Variants in NBAS observed in about 807,000 individuals in gnomAD.
NBAS encodes NAG/BC035112 fusion.
NBAS carries 219 observed loss-of-function variants against 302.5 expected under a neutral mutation model. That is an observed-to-expected ratio of 0.72 (90% CI 0.65 to 0.81). The LOEUF (loss-of-function observed/expected upper bound fraction) is 0.81. NBAS is among the 30% of genes least tolerant of loss of function. The pLI, the probability that NBAS is intolerant of heterozygous loss-of-function variation, is 0.00. For synonymous variants in NBAS, 1,118 were observed against 1,021.6 expected (o/e 1.09, Z -1.80); for missense variants, 2,932 against 2,841.6 (o/e 1.03, Z -0.72).
At chr2:15,024,461 A>T in the NBAS span, among the ~76,000 whole-genome samples, 1 of 152,104 alleles carries the variant, frequency 6.6e-6, no homozygotes, top group Admixed American at 6.6e-5. Context: ...AGAATAATTT[A>T]TATTCCTTTG....
At chr2:15,315,849 G>C (rs2148183563) in intron 38 of NBAS, among the ~76,000 whole-genome samples, 1 of 152,260 alleles carries the variant, frequency 6.6e-6, no homozygotes, top group Non-Finnish European at 1.5e-5. Flanking sequence ...GATGGGAACA[G>C]TGGAGAACAT....
At chr2:14,869,757 C>T in the NBAS span, among the ~76,000 whole-genome samples, 2 of 152,110 alleles carry the variant, frequency 1.3e-5, no homozygotes, top group Admixed American at 6.5e-5. Flanking sequence ...ATCCATTTAC[C>T]ACCAAAACTA....
chr2:15,544,799 CAGG>C (rs1423640682), intron 6 of NBAS, among the ~76,000 whole-genome samples: 1 of 152,158 alleles, frequency 6.6e-6, no homozygotes, highest in Non-Finnish European at 1.5e-5. Flanking sequence ...ATAACGAGGT[CAGG>C]AGTTCGAGAC....
At chr2:15,364,512 C>T (rs767158435) in intron 32 of NBAS, among the ~76,000 whole-genome samples, 1 of 151,940 alleles carries the variant, frequency 6.6e-6, no homozygotes, top group African/African-American at 2.4e-5. Flanking sequence ...GCCTGGGCAA[C>T]AAGAGCGAAA....
intron 38 of NBAS, among the ~76,000 whole-genome samples, chr2:15,314,330 C>T (rs949957345): frequency 2.6e-5 from 4 of 152,188 alleles, no homozygotes; most frequent in Non-Finnish European, 5.9e-5. Flanking sequence ...CGCTGCACTC[C>T]AGCCTGGGCA....
the NBAS span, among the ~76,000 whole-genome samples, chr2:15,041,890 T>A: frequency 6.6e-6 from 1 of 152,142 alleles, no homozygotes; most frequent in Non-Finnish European, 1.5e-5. Flanking sequence ...AAATAAGGCC[T>A]GGGAGGATGG....
intron 45 of NBAS, among the ~76,000 whole-genome samples, chr2:15,237,200 C>T (rs1667633123): frequency 6.6e-6 from 1 of 151,910 alleles, no homozygotes; most frequent in Admixed American, 6.6e-5. Flanking sequence ...GTCAACTTTC[C>T]AGTTATAGAA....
chr2:15,203,850 CTG>C (rs1163629239), intron 48 of NBAS, among the ~76,000 whole-genome samples: 5 of 143,156 alleles, frequency 3.5e-5, no homozygotes, highest in East Asian at 2.1e-4. Flanking sequence ...GGTGGCATGT[CTG>C]TGTGTGTGTG....
chr2:14,858,958 T>C, the NBAS span, among the ~76,000 whole-genome samples: 1 of 152,010 alleles, frequency 6.6e-6, no homozygotes, highest in African/African-American at 2.4e-5. Context: ...ATCTACCATG[T>C]ACCCACAAAA....
intron 38 of NBAS, among the ~76,000 whole-genome samples, chr2:15,318,686 A>G (rs887746632): frequency 2.0e-5 from 3 of 152,206 alleles, no homozygotes; most frequent in Non-Finnish European, 4.4e-5. Context: ...GATCAATTCA[A>G]TAAGAAGAGC....
At chr2:15,289,322 G>C (rs1327661675) in intron 41 of NBAS, among the ~76,000 whole-genome samples, 4 of 152,112 alleles carry the variant, frequency 2.6e-5, no homozygotes, top group Admixed American at 6.5e-5. Flanking sequence ...GGCTGGTAGT[G>C]AACTCCTGGC....
chr2:15,291,018 C>A (rs1235694125), intron 41 of NBAS, among the ~76,000 whole-genome samples: 1 of 152,258 alleles, frequency 6.6e-6, no homozygotes, highest in African/African-American at 2.4e-5. Flanking sequence ...ACATACTCCA[C>A]TATCATAATG....
intron 16 of NBAS, among the ~76,000 whole-genome samples, chr2:15,469,363 A>G (rs374688009): frequency 1.3e-5 from 2 of 152,092 alleles, no homozygotes; most frequent in South Asian, 4.1e-4. Flanking sequence ...CCCTCTACAC[A>G]CTGCTTTAAA....
chr2:14,887,755 A>G, the NBAS span, among the ~76,000 whole-genome samples: 1 of 152,172 alleles, frequency 6.6e-6, no homozygotes, highest in African/African-American at 2.4e-5. Context: ...ATCTTCACAG[A>G]TCTTCATTGC....
At chr2:14,815,044 C>T in the NBAS span, among the ~76,000 whole-genome samples, 1 of 152,158 alleles carries the variant, frequency 6.6e-6, no homozygotes, top group Non-Finnish European at 1.5e-5. Flanking sequence ...CCTTTGCCTT[C>T]CATCATGATT....
chr2:15,040,461 T>C, the NBAS span, among the ~76,000 whole-genome samples: 8 of 152,180 alleles, frequency 5.3e-5, no homozygotes, highest in Non-Finnish European at 1.2e-4. Context: ...ACGACCACCT[T>C]GTGTTCTCTA....
chr2:15,307,628 G>T (rs567175076), intron 40 of NBAS, among the ~76,000 whole-genome samples: 2 of 152,078 alleles, frequency 1.3e-5, no homozygotes, highest in Non-Finnish European at 2.9e-5. Context: ...ATTTTTCAGC[G>T]GCATCTGTAA....
chr2:15,197,810 C>T (rs1272413426), intron 48 of NBAS, among the ~76,000 whole-genome samples: 1 of 152,234 alleles, frequency 6.6e-6, no homozygotes, highest in Non-Finnish European at 1.5e-5. Context: ...CCTCTGCCTA[C>T]ATTTGAATTA....
intron 7 of NBAS, among the ~76,000 whole-genome samples, chr2:15,537,609 T>C (rs540826064): frequency 1.1e-4 from 17 of 152,270 alleles, no homozygotes; most frequent in African/African-American, 4.1e-4. Flanking sequence ...CAAGATTCTG[T>C]CTTTACAAAA....
Sources: gnomAD v4.1 joint callset for allele counts (sites outside exome capture counted in the v4.1 genomes callset) on GRCh38, gnomAD v4.1.1 for gene constraint, MANE v1.5 for transcripts, NCBI Gene and HGNC (gene_info 2026-07-23, HGNC 2026-07-21) for gene names.